The following CDC42BPA variants were observed in gnomAD, a reference collection of about 807,000 sequenced individuals.
CDC42BPA encodes the protein serine/threonine-protein kinase MRCK alpha.
CDC42BPA carries 80 observed loss-of-function variants against 223.5 expected under a neutral mutation model. The ratio of observed to expected loss-of-function variants is 0.36; its 90% CI spans 0.30 to 0.43. The LOEUF (loss-of-function observed/expected upper bound fraction) is 0.43, where lower values mean the gene tolerates loss of function less well. Among genes scored for constraint, CDC42BPA ranks in the 20% least tolerant of loss-of-function variants. CDC42BPA has a pLI of 1.00. For missense variants in CDC42BPA, 1,743 were observed against 2,099.9 expected, an observed-to-expected ratio of 0.83 and a Z score of 3.32; for synonymous variants, 694 against 718.6, an observed-to-expected ratio of 0.97 and a Z score of 0.55.
intron 1 of CDC42BPA, among the ~76,000 whole-genome samples, chr1:227,269,729 A>G (rs1446710165): frequency 6.6e-6 from 1 of 152,156 alleles, no homozygotes; most frequent in Non-Finnish European, 1.5e-5. Flanking sequence ...AGAAAACCAT[A>G]TGGAAAATGT....
intron 2 of CDC42BPA, among the ~76,000 whole-genome samples, chr1:227,243,966 C>T (rs1470373416): frequency 2.7e-5 from 4 of 149,090 alleles, no homozygotes; most frequent in Admixed American, 6.7e-5. Context: ...TCAAGAAATG[C>T]GAAATGAAAT....
chr1:227,237,461 C>T (rs1005508261), intron 2 of CDC42BPA, among the ~76,000 whole-genome samples: 26 of 152,154 alleles, frequency 1.7e-4, no homozygotes, highest in African/African-American at 6.3e-4. Context: ...CACTTAAATA[C>T]TATTCTGCAT....
rs184814970 is a variant in CDC42BPA, at chr1:227,157,844, C to T, written c.693+2699G>A. 4.5e-4 allele frequency among the ~76,000 whole-genome samples: 68 copies of T among 152,208 alleles called. 1 individual carries two copies. In the East Asian group the frequency reaches 0.013, roughly 28 times the overall value. On this transcript the variant is annotated intron_variant, in intron 6 of 36. Coordinates refer to ENST00000366766, the MANE Select transcript of CDC42BPA (RefSeq NM_001394014.1). ...TCCAGTGAATTTTAAATTTCAGTTA[C>T]TGTACTTTCTAATCGTAAAATGTCC...
chr1:227,188,892 G>A (rs2150111228), intron 5 of CDC42BPA, among the ~76,000 whole-genome samples: 2 of 152,174 alleles, frequency 1.3e-5, no homozygotes, highest in South Asian at 4.2e-4. Flanking sequence ...GTTAACAAAT[G>A]TGCCACACTC....
intron 2 of CDC42BPA, among the ~76,000 whole-genome samples, chr1:227,220,341 T>TATATATAAA (rs1675671541): frequency 6.8e-6 from 1 of 146,528 alleles, no homozygotes; most frequent in Non-Finnish European, 1.5e-5. Flanking sequence ...CATATATGGA[T>TATATATAAA]ATATATAAAA....
In CDC42BPA at chr1:227,090,122, C is replaced by G. The variant is rs368911966; in HGVS notation, c.2355+1764G>C. On this transcript the variant is annotated intron_variant, in intron 16 of 36. Transcript: ENST00000366766. ...TGGCTTAAAAAATCAATTTATATTA[C>G]TTACTGTTCAGCCACTTCCTACAAT... 4.6e-5 allele frequency among the ~76,000 whole-genome samples: 7 copies of G among 152,116 alleles called. No individual in the cohort carries two copies. In the East Asian group the frequency reaches 1.2e-3, roughly 25 times the overall value.
intron 11 of CDC42BPA, among the ~76,000 whole-genome samples, chr1:227,127,096 T>A (rs1252620233): frequency 6.6e-6 from 1 of 152,052 alleles, no homozygotes; most frequent in African/African-American, 2.4e-5. Context: ...AATAAACATA[T>A]AAAAATCAAC....
intron 11 of CDC42BPA, among the ~76,000 whole-genome samples, chr1:227,120,417 C>T (rs1426625516): frequency 6.6e-6 from 1 of 152,102 alleles, no homozygotes; most frequent in Non-Finnish European, 1.5e-5. Context: ...TTCTAAAGAG[C>T]AAATATCTGA....
chr1:227,295,040 T>C (rs888073520), intron 1 of CDC42BPA, among the ~76,000 whole-genome samples: 2 of 152,016 alleles, frequency 1.3e-5, no homozygotes, highest in African/African-American at 4.8e-5. Context: ...TCTGCTATGT[T>C]ACAGCAGTGA....
chr1:226,999,703 T>C (rs1377867052), intron 35 of CDC42BPA, among the ~76,000 whole-genome samples: 1 of 152,090 alleles, frequency 6.6e-6, no homozygotes, highest in Non-Finnish European at 1.5e-5. Flanking sequence ...CCAACCCAAA[T>C]ACCCATCAAT....
At chr1:227,165,638 G>A (rs539124417) in intron 5 of CDC42BPA, among the ~76,000 whole-genome samples, 1 of 152,298 alleles carries the variant, frequency 6.6e-6, no homozygotes, top group African/African-American at 2.4e-5. Context: ...AGTATAGTGA[G>A]AGAATGCAGG....
intron 1 of CDC42BPA, among the ~76,000 whole-genome samples, chr1:227,303,517 C>G (rs1692029746): frequency 6.6e-6 from 1 of 152,214 alleles, no homozygotes; most frequent in East Asian, 1.9e-4. Context: ...CAATGGCACT[C>G]AACAGGGGAA....
intron 21 of CDC42BPA, among the ~76,000 whole-genome samples, chr1:227,067,558 T>A (rs1350135909): frequency 6.6e-6 from 1 of 152,176 alleles, no homozygotes; most frequent in African/African-American, 2.4e-5. Flanking sequence ...TAACATGCAA[T>A]ACCACTGTAC....
intron 12 of CDC42BPA, among the ~76,000 whole-genome samples, chr1:227,118,758 C>G (rs1571763074): frequency 6.6e-6 from 1 of 151,966 alleles, no homozygotes; most frequent in South Asian, 2.1e-4. Context: ...AATGGTAAAC[C>G]ATTAATATTA....
At chr1:227,160,464 G>T in intron 6 of CDC42BPA, 79 bp downstream of exon 6, 1 of 933,364 alleles carries the variant, frequency 1.1e-6, no homozygotes, top group Non-Finnish European at 1.8e-6. Context: ...TAAATAGATG[G>T]TTTCTAAAAC....
At chr1:227,276,019 G>A (rs1282359842) in intron 1 of CDC42BPA, among the ~76,000 whole-genome samples, 3 of 152,172 alleles carry the variant, frequency 2.0e-5, no homozygotes, top group East Asian at 3.9e-4. Context: ...CTGCCCAGCC[G>A]CCACCCCCTC....
intron 11 of CDC42BPA, among the ~76,000 whole-genome samples, chr1:227,123,690 A>G (rs1180029145): frequency 6.6e-6 from 1 of 152,254 alleles, no homozygotes; most frequent in East Asian, 1.9e-4. Context: ...TTGGCAGAAT[A>G]ACCAAAACAT....
intron 1 of CDC42BPA, among the ~76,000 whole-genome samples, chr1:227,291,761 T>C (rs1572897241): frequency 1.3e-5 from 2 of 152,212 alleles, no homozygotes; most frequent in African/African-American, 4.8e-5. Flanking sequence ...AAGCACACTA[T>C]TAACCCTCAA....
chr1:227,040,921 C>T (rs1054837353), intron 23 of CDC42BPA, among the ~76,000 whole-genome samples: 4 of 152,050 alleles, frequency 2.6e-5, no homozygotes, highest in Non-Finnish European at 5.9e-5. Context: ...CTTTGTTTTC[C>T]AAATTAATTC....
Sources: gnomAD v4.1 joint callset for allele counts (sites outside exome capture counted in the v4.1 genomes callset) on GRCh38, gnomAD v4.1.1 for gene constraint, MANE v1.5 for transcripts, NCBI Gene and HGNC (gene_info 2026-07-23, HGNC 2026-07-21) for gene names.